The following PAFAH1B1 variants were observed in gnomAD, a reference collection of about 807,000 sequenced individuals.
PAFAH1B1 encodes the protein platelet-activating factor acetylhydrolase IB subunit beta.
PAFAH1B1 carries 2 observed loss-of-function variants against 57.5 expected under a neutral mutation model. The observed-to-expected ratio is 0.03, with a 90% confidence interval of 0.01 to 0.11. The LOEUF (loss-of-function observed/expected upper bound fraction) is 0.11, where lower values mean the gene tolerates loss of function less well. PAFAH1B1 is among the 10% of genes least tolerant of loss of function. PAFAH1B1 has a pLI of 1.00. For synonymous variants in PAFAH1B1, 152 were observed against 169.6 expected, an observed-to-expected ratio of 0.90 and a Z score of 0.81; for missense variants, 257 against 512.0, an observed-to-expected ratio of 0.50 and a Z score of 4.81.
At chr17:2,664,616 G>T (rs2069071957) in intron 2 of PAFAH1B1, among the ~76,000 whole-genome samples, 1 of 150,404 alleles carries the variant, frequency 6.6e-6, no homozygotes, top group South Asian at 2.1e-4. Flanking sequence ...TGTTGGCCAG[G>T]CTGGTCTCCA....
rs2069164459 is a variant in PAFAH1B1, at chr17:2,670,305, G to T, written c.542G>T (p.Gly181Val). 6.2e-7 allele frequency: 1 copy of T among 1,614,142 alleles called. No homozygotes were observed. Among genetic ancestry groups the T allele is most frequent in the Non-Finnish European group, 8.5e-7 (1 of 1,179,992 alleles). The change falls in exon 6 of 11, where the codon GGC (glycine) becomes GTC (valine). Residue 181 changes from glycine (G) to valine (V), a missense_variant. Gly to Val is a moderately radical substitution (Grantham distance 109, BLOSUM62 -3). Transcript: ENST00000397195. ...DMTIKLWDFQ[G>V]FECIRTMHGH... ...ACCATTAAACTATGGGATTTTCAGG[G>T]CTTTGAATGCATCAGAACCATGCAC...
intron 1 of PAFAH1B1, among the ~76,000 whole-genome samples, chr17:2,632,777 T>C (rs184999903): frequency 6.6e-6 from 1 of 152,212 alleles, no homozygotes; most frequent in African/African-American, 2.4e-5. Context: ...GGGGAAGATA[T>C]GCATAGGTTA....
At chr17:2,652,245 C>T (rs894705975) in intron 2 of PAFAH1B1, among the ~76,000 whole-genome samples, 2 of 151,854 alleles carry the variant, frequency 1.3e-5, no homozygotes, top group Non-Finnish European at 2.9e-5. Context: ...CCCGTCTCTA[C>T]TAAAAATACA....
chr17:2,672,208 C>G (rs1318932614), intron 6 of PAFAH1B1, among the ~76,000 whole-genome samples: 3 of 133,876 alleles, frequency 2.2e-5, no homozygotes, highest in Non-Finnish European at 4.6e-5. Flanking sequence ...CTCTTGAGCC[C>G]AGGAGTTCAA....
chr17:2,667,976 C>G (rs925442099), intron 5 of PAFAH1B1, among the ~76,000 whole-genome samples: 1 of 151,862 alleles, frequency 6.6e-6, no homozygotes. Context: ...GTAGATGCCT[C>G]TATCCTAAGG....
In PAFAH1B1 at chr17:2,672,120, T is replaced by C. The variant is rs370577468; in HGVS notation, c.569-535T>C. 6.6e-4 allele frequency among the ~76,000 whole-genome samples: 100 copies of C among 151,748 alleles called. 3 individuals are homozygous for C. In the South Asian group the frequency reaches 0.011, roughly 17 times the overall value. On this transcript the variant is annotated intron_variant, in intron 6 of 10. Coordinates refer to ENST00000397195, the MANE Select transcript of PAFAH1B1 (RefSeq NM_000430.4). ...CTTGTCTCTACAAAAAATAAAATAG[T>C]TGTGGGTGTGGTGGTACCAGATGTG...
intron 5 of PAFAH1B1, 150 bp downstream of exon 5, chr17:2,667,348 G>C: frequency 4.7e-6 from 3 of 639,126 alleles, no homozygotes; most frequent in East Asian, 2.9e-5. Context: ...AAAAAAAGCA[G>C]ACTTAATAGG....
At chr17:2,613,119 CTTT>C (rs1597516868) in intron 1 of PAFAH1B1, among the ~76,000 whole-genome samples, 2 of 74,952 alleles carry the variant, frequency 2.7e-5, no homozygotes, top group African/African-American at 4.3e-5. Flanking sequence ...ATATCTTTTT[CTTT>C]CTTTTTTTTT....
chr17:2,602,308 G>GT (rs2068153509), intron 1 of PAFAH1B1, among the ~76,000 whole-genome samples: 1 of 151,846 alleles, frequency 6.6e-6, no homozygotes, highest in Admixed American at 6.6e-5. Flanking sequence ...CAGGCCTGTG[G>GT]TTCGCATTTT....
rs2068421993 is a variant in PAFAH1B1, at chr17:2,621,605, G to GTTTTTTTTTTTTTTTTTT, written c.-190-16493_-190-16492insTTTTTTTTTTTTTTTTTT. On this transcript the variant is annotated intron_variant, in intron 1 of 10. Coordinates refer to ENST00000397195, the MANE Select transcript of PAFAH1B1 (RefSeq NM_000430.4). ...GCTATTCAAGCATGGTAGATAATCT[G>GTTTTTTTTTTTTTTTTTT]TCTTTTTTTTTTTTTTTTTTTTTTT... Among the ~76,000 whole-genome samples the GTTTTTTTTTTTTTTTTTT allele has an allele frequency of 1.8e-4, 17 of 93,208 alleles. 4 individuals carry two copies. Among genetic ancestry groups the GTTTTTTTTTTTTTTTTTT allele is most frequent in the African/African-American group, 2.3e-4 (5 of 21,296 alleles). 61.1% of individuals were successfully genotyped at this position (93,208 alleles called of 152,430 possible). A position where few individuals can be genotyped will look rare whatever the true frequency, so the allele number is the denominator to read the frequency against.
chr17:2,618,954 CA>C (rs34683975), intron 1 of PAFAH1B1, among the ~76,000 whole-genome samples: 26,781 of 76,380 alleles, frequency 0.35, 1,750 homozygotes, highest in African/African-American at 0.39. Context: ...GACTCCGTCT[CA>C]AAAAAAAAAA....
intron 1 of PAFAH1B1, among the ~76,000 whole-genome samples, chr17:2,634,794 A>G (rs1407530037): frequency 1.3e-5 from 2 of 152,096 alleles, no homozygotes; most frequent in African/African-American, 4.8e-5. Flanking sequence ...AGGTGGCAAT[A>G]CTTGTCACAT....
At chr17:2,606,023 G>T (rs1286027900) in intron 1 of PAFAH1B1, among the ~76,000 whole-genome samples, 1 of 152,192 alleles carries the variant, frequency 6.6e-6, no homozygotes, top group Non-Finnish European at 1.5e-5. Flanking sequence ...TTCTTGAGCT[G>T]TAGGTGAGAG....
chr17:2,679,480 GGATGGATGGATGGATGGATGA>G (rs2069334288), intron 9 of PAFAH1B1, among the ~76,000 whole-genome samples: 1 of 6,052 alleles, frequency 1.7e-4, no homozygotes, highest in African/African-American at 4.5e-4. Context: ...ATGGATGATT[GGATGGATGGATGGATGGATGA>G]TTGGATGGAT....
At chr17:2,600,434 G>A (rs1053506986) in intron 1 of PAFAH1B1, among the ~76,000 whole-genome samples, 1 of 151,536 alleles carries the variant, frequency 6.6e-6, no homozygotes, top group Non-Finnish European at 1.5e-5. Context: ...GCCAGGTGTG[G>A]TGGTGGGTGC....
chr17:2,664,672 C>G (rs1288324444), intron 2 of PAFAH1B1, among the ~76,000 whole-genome samples: 1 of 112,570 alleles, frequency 8.9e-6, no homozygotes, highest in Middle Eastern at 4.5e-3. Flanking sequence ...ATCGCTCTCT[C>G]TCTCTCTCTC....
intron 5 of PAFAH1B1, 41 bp from the exon 6 acceptor site, chr17:2,670,122 T>C (rs2069160530): frequency 6.3e-7 from 1 of 1,575,646 alleles, no homozygotes; most frequent in Middle Eastern, 1.7e-4. Flanking sequence ...AAGAAAGGAG[T>C]GATGGAGTTG....
intron 2 of PAFAH1B1, among the ~76,000 whole-genome samples, chr17:2,645,129 C>A (rs1344515268): frequency 6.6e-6 from 1 of 152,060 alleles, no homozygotes; most frequent in Non-Finnish European, 1.5e-5. Flanking sequence ...CACCTGTAAT[C>A]CCGGCTACTC....
intron 7 of PAFAH1B1, 100 bp downstream of exon 7, chr17:2,672,857 C>T: frequency 1.3e-6 from 1 of 759,668 alleles, no homozygotes; most frequent in East Asian, 2.7e-5. Context: ...ATCACCTGGT[C>T]AGGAATTGAA....
Sources: allele counts gnomAD v4.1 joint callset (sites outside exome capture counted in the v4.1 genomes callset), GRCh38; gene constraint gnomAD v4.1.1; transcripts MANE v1.5; gene names NCBI Gene and HGNC (gene_info 2026-07-23, HGNC 2026-07-21).